CDH13: variants seen among roughly 807,000 people sequenced by gnomAD.
The protein encoded by CDH13 is cadherin-13.
In CDH13, 24 loss-of-function variants were observed where a neutral mutation model predicts 63.8. The observed-to-expected ratio is 0.38, with a 90% CI of 0.27 to 0.53. The LOEUF is 0.53. Ranked by LOEUF, CDH13 falls within the 20% of genes least tolerant of loss-of-function variation. The pLI, the probability that CDH13 is intolerant of heterozygous loss-of-function variation, is 0.85. For missense variants in CDH13, 1,049 were observed against 903.1 expected (o/e 1.16, Z -2.07); for synonymous variants, 503 against 355.3 (o/e 1.42, Z -4.67).
chr16:83,634,749 T>A (rs191528360), intron 8 of CDH13, among the ~76,000 whole-genome samples: 23 of 152,286 alleles, frequency 1.5e-4, no homozygotes, highest in Non-Finnish European at 2.8e-4. Context: ...TTCATCCAAG[T>A]ACTCACATCA....
intron 2 of CDH13, among the ~76,000 whole-genome samples, chr16:82,961,364 G>A (rs1291651125): frequency 6.6e-6 from 1 of 152,150 alleles, no homozygotes; most frequent in Non-Finnish European, 1.5e-5. Context: ...GGGAAATGGA[G>A]ACGAGAGAGG....
intron 4 of CDH13, among the ~76,000 whole-genome samples, chr16:83,171,180 G>A (rs1170378614): frequency 6.6e-6 from 1 of 152,144 alleles, no homozygotes; most frequent in East Asian, 1.9e-4. Flanking sequence ...GGAAGGCAAA[G>A]GGGAAGCAGG....
At chr16:82,685,721 C>G (rs781132542) in intron 1 of CDH13, among the ~76,000 whole-genome samples, 1 of 152,202 alleles carries the variant, frequency 6.6e-6, no homozygotes, top group Non-Finnish European at 1.5e-5. Context: ...CTGGCTCAGG[C>G]AGCTTTCGCT....
At chr16:83,671,973 A>G (rs958656409) in intron 9 of CDH13, among the ~76,000 whole-genome samples, 3 of 152,196 alleles carry the variant, frequency 2.0e-5, no homozygotes, top group African/African-American at 7.2e-5. Context: ...TCTGCCAGAG[A>G]CCAGGACCTT....
chr16:83,091,463 T>C (rs937164526), intron 3 of CDH13, among the ~76,000 whole-genome samples: 7 of 152,214 alleles, frequency 4.6e-5, no homozygotes, highest in African/African-American at 1.7e-4. Flanking sequence ...ATACATTTTA[T>C]GTCTACAGAG....
intron 2 of CDH13, among the ~76,000 whole-genome samples, chr16:83,005,736 C>T (rs1306690317): frequency 6.6e-6 from 1 of 152,188 alleles, no homozygotes; most frequent in African/African-American, 2.4e-5. Context: ...GAGAGCTAGG[C>T]TTTTTGTTTC....
intron 10 of CDH13, among the ~76,000 whole-genome samples, chr16:83,745,872 A>G (rs1321690584): frequency 6.6e-6 from 1 of 152,182 alleles, no homozygotes; most frequent in Non-Finnish European, 1.5e-5. Context: ...CAGAATTCGT[A>G]TCTTCTTCGA....
At chr16:82,714,331 T>A (rs767303864) in intron 1 of CDH13, among the ~76,000 whole-genome samples, 1 of 151,886 alleles carries the variant, frequency 6.6e-6, no homozygotes, top group Non-Finnish European at 1.5e-5. Flanking sequence ...AATGTAACAC[T>A]ATTTGGCAAC....
chr16:82,964,334 A>G (rs1330366890), intron 2 of CDH13, among the ~76,000 whole-genome samples: 1 of 152,220 alleles, frequency 6.6e-6, no homozygotes, highest in Non-Finnish European at 1.5e-5. Context: ...ACTGAAAAGG[A>G]AAATATCAAG....
At chr16:82,694,083 A>G (rs973670492) in intron 1 of CDH13, among the ~76,000 whole-genome samples, 1 of 152,238 alleles carries the variant, frequency 6.6e-6, no homozygotes, top group South Asian at 2.1e-4. Context: ...ATCATAAAAA[A>G]TTCAGTGCCT....
At chr16:82,767,256 A>G (rs2035090750) in intron 1 of CDH13, among the ~76,000 whole-genome samples, 1 of 152,236 alleles carries the variant, frequency 6.6e-6, no homozygotes, top group Non-Finnish European at 1.5e-5. Flanking sequence ...CAAAATGCAG[A>G]ATTACTGCAG....
At chr16:83,462,001 G>A (rs2073194131) in intron 6 of CDH13, among the ~76,000 whole-genome samples, 1 of 152,236 alleles carries the variant, frequency 6.6e-6, no homozygotes, top group African/African-American at 2.4e-5. Context: ...GGGCTCCATG[G>A]CTCCAACATC....
At chr16:82,810,173 C>A (rs2037371041) in intron 1 of CDH13, among the ~76,000 whole-genome samples, 1 of 152,174 alleles carries the variant, frequency 6.6e-6, no homozygotes, top group East Asian at 1.9e-4. Flanking sequence ...GAGATGTTAT[C>A]CAGAGACAAC....
At chr16:83,229,609 T>C (rs149068247) in intron 5 of CDH13, among the ~76,000 whole-genome samples, 10 of 152,320 alleles carry the variant, frequency 6.6e-5, no homozygotes, top group Non-Finnish European at 1.2e-4. Flanking sequence ...TTAAGATCTT[T>C]ATTATCCAGA....
intron 1 of CDH13, among the ~76,000 whole-genome samples, chr16:82,714,999 C>A (rs566984870): frequency 1.5e-5 from 2 of 137,514 alleles, no homozygotes; most frequent in Non-Finnish European, 3.1e-5. Context: ...TTCCAGCATC[C>A]GTAGGAAACT....
At chr16:82,871,837 G>A (rs1349444932) in intron 2 of CDH13, among the ~76,000 whole-genome samples, 4 of 152,006 alleles carry the variant, frequency 2.6e-5, no homozygotes, top group African/African-American at 9.7e-5. Context: ...ACTCTCAGAG[G>A]GTTTCCCTCC....
intron 6 of CDH13, among the ~76,000 whole-genome samples, chr16:83,436,388 T>C (rs763808743): frequency 6.6e-6 from 1 of 152,128 alleles, no homozygotes; most frequent in Non-Finnish European, 1.5e-5. Context: ...GGAGGATCGC[T>C]TGAGCCTGAG....
intron 5 of CDH13, among the ~76,000 whole-genome samples, chr16:83,225,328 C>G (rs911669617): frequency 2.0e-5 from 3 of 152,164 alleles, no homozygotes; most frequent in Non-Finnish European, 2.9e-5. Context: ...CCTGGTGCTC[C>G]GGTGTGCCAT....
intron 1 of CDH13, among the ~76,000 whole-genome samples, chr16:82,753,941 A>G (rs2034518148): frequency 6.6e-6 from 1 of 152,184 alleles, no homozygotes. Context: ...GTAGTCATCC[A>G]CTAATTCATT....
Sources: allele counts gnomAD v4.1 joint callset (sites outside exome capture counted in the v4.1 genomes callset), GRCh38; gene constraint gnomAD v4.1.1; transcripts MANE v1.5; gene names NCBI Gene and HGNC (gene_info 2026-07-23, HGNC 2026-07-21).